The following SLC16A12 variants were observed in gnomAD, a reference collection of about 807,000 sequenced individuals.
SLC16A12 encodes monocarboxylate transporter 12.
SLC16A12 carries 17 observed loss-of-function variants against 42.4 expected under a neutral mutation model. The observed-to-expected ratio is 0.40, with a 90% CI of 0.27 to 0.60. The LOEUF (loss-of-function observed/expected upper bound fraction) is 0.60, where lower values mean the gene tolerates loss of function less well. Among genes scored for constraint, SLC16A12 ranks in the 20% least tolerant of loss-of-function variants. The pLI, the probability that SLC16A12 is intolerant of heterozygous loss-of-function variation, is 0.42. For synonymous variants in SLC16A12, 224 were observed against 229.4 expected, an observed-to-expected ratio of 0.98 and a Z score of 0.21; for missense variants, 544 against 623.0, an observed-to-expected ratio of 0.87 and a Z score of 1.35.
intron 2 of SLC16A12, among the ~76,000 whole-genome samples, chr10:89,464,343 C>T (rs1842357392): frequency 6.6e-6 from 1 of 152,268 alleles, no homozygotes; most frequent in Middle Eastern, 3.4e-3. Flanking sequence ...TGGATTCTGG[C>T]CCCACAGAAA....
intron 2 of SLC16A12, among the ~76,000 whole-genome samples, chr10:89,512,070 T>A (rs1006870442): frequency 6.6e-6 from 1 of 152,208 alleles, no homozygotes; most frequent in Admixed American, 6.5e-5. Flanking sequence ...AAACATTGTA[T>A]GATTCCACTT....
In SLC16A12 at chr10:89,549,833, A is replaced by G. The variant is rs189634910; in HGVS notation, c.-47+6049T>C. Among the ~76,000 whole-genome samples, 42 of 152,306 alleles carry G rather than the reference A, an allele frequency of 2.8e-4. 1 individual carries two copies. Among genetic ancestry groups the G allele is most frequent in the Non-Finnish European group, 5.9e-5 (4 of 68,026 alleles). On this transcript the variant is annotated intron_variant, in intron 2 of 2. Transcript: ENST00000475682. ...TAACAAGCTTTGCAAGTGGCTCAGCATCCTAAAATTTGAGAGCCATGACCT... is the reference window on the plus strand; with the variant it reads ...TAACAAGCTTTGCAAGTGGCTCAGCGTCCTAAAATTTGAGAGCCATGACCT...
chr10:89,443,857 C>T lies in SLC16A12; in HGVS notation c.203G>A (p.Cys68Tyr). 3 of 1,599,374 alleles carry T rather than the reference C, an allele frequency of 1.9e-6. No homozygotes were observed. The highest frequency in any genetic ancestry group is 1.7e-6 in the Non-Finnish European group (2 of 1,166,584). The change falls in exon 4 of 8, where the codon TGT becomes TAT. Residue 68 changes from cysteine to tyrosine, a missense_variant and splice_region_variant. By Grantham distance (194) the Cys-to-Tyr change is radical. Coordinates refer to ENST00000371790, the MANE Select transcript of SLC16A12 (RefSeq NM_213606.4). ...GAACTCCACAAAAAAAATTGAGATA[C>T]ATCTGAAAAATACAATGCAGGCATT... ...VTICTRAVTR[C>Y]ISIFFVEFQT...
chr10:89,461,894 A>C (rs1329797176), intron 3 of SLC16A12, among the ~76,000 whole-genome samples: 2 of 152,320 alleles, frequency 1.3e-5, no homozygotes, highest in Middle Eastern at 6.8e-3. Context: ...GCTATTTCAC[A>C]TGTGATGAGT....
rs375678465 is a variant in SLC16A12 at position 89,436,093 on chromosome 10, C to T, written c.1255G>A (p.Ala419Thr). 8 of 1,613,694 alleles carry T rather than the reference C, an allele frequency of 5.0e-6. No individual in the cohort carries two copies. The highest frequency in any genetic ancestry group is 3.3e-5 in the Admixed American group (2 of 59,942). ...SALGVVYFLH[A>T]VPYLVSPPIA... The stretch of plus-strand genomic sequence containing the variant: ...GGTGGGCTCACCAAGTATGGCACTG[C>T]GTGAAGGAAGTATACCACACCAAGC... Residue 419 changes from alanine (A) to threonine (T), a missense_variant, in exon 7 of 8, where the codon GCA becomes ACA. Coordinates refer to ENST00000371790, the MANE Select transcript of SLC16A12 (RefSeq NM_213606.4).
At chr10:89,443,949 C>A in intron 3 of SLC16A12, 90 bp from the exon 4 acceptor site, 3 of 827,320 alleles carry the variant, frequency 3.6e-6, no homozygotes, top group Non-Finnish European at 6.1e-6. Context: ...ATTAGCTGCT[C>A]CTGTTTCCAA....
intron 3 of SLC16A12, among the ~76,000 whole-genome samples, chr10:89,452,283 CT>C (rs1385526421): frequency 1.4e-4 from 22 of 152,122 alleles, no homozygotes; most frequent in Admixed American, 5.2e-4. Context: ...AGGGTTTCTA[CT>C]GTTCTGATGG....
At chr10:89,551,042 G>A (rs1488049134) in intron 2 of SLC16A12, among the ~76,000 whole-genome samples, 1 of 152,204 alleles carries the variant, frequency 6.6e-6, no homozygotes, top group Non-Finnish European at 1.5e-5. Context: ...AGGTGTGGAA[G>A]TCCATGATGT....
intron 3 of SLC16A12, among the ~76,000 whole-genome samples, chr10:89,451,548 A>T (rs1240442967): frequency 6.6e-6 from 1 of 152,056 alleles, no homozygotes; most frequent in Non-Finnish European, 1.5e-5. Flanking sequence ...AGTAGCTGGG[A>T]TTACAGGCGC....
Position 89,430,772 on chromosome 10 carries a change from A to G in SLC16A12, c.*2292T>C, listed in dbSNP as rs753900617. 14 of 456,654 alleles carry G rather than the reference A, an allele frequency of 3.1e-5. No homozygotes were observed. Among genetic ancestry groups the G allele is most frequent in the African/African-American group, 2.2e-4 (11 of 49,290 alleles). The allele number at this position is 456,654 out of a possible 1,614,324, so 28.3% of individuals were successfully genotyped here. On this transcript the variant is annotated 3_prime_UTR_variant, in exon 8 of 8. Transcript: ENST00000371790. ...AAAATCTTTAAAATTTCTGATCACT[A>G]TGCTTATTTTTCATAAATACTTGTA...
chr10:89,552,444 G>A (rs1589740377), intron 2 of SLC16A12, among the ~76,000 whole-genome samples: 1 of 152,170 alleles, frequency 6.6e-6, no homozygotes, highest in African/African-American at 2.4e-5. Flanking sequence ...GAGAATCTAG[G>A]GTGGTAGCAC....
intron 2 of SLC16A12, among the ~76,000 whole-genome samples, chr10:89,506,849 T>C (rs1277145055): frequency 6.6e-6 from 1 of 152,128 alleles, no homozygotes; most frequent in Non-Finnish European, 1.5e-5. Flanking sequence ...GACGAATTGC[T>C]AACTAGAATA....
At chr10:89,498,921 G>C (rs1156713234) in intron 2 of SLC16A12, among the ~76,000 whole-genome samples, 1 of 152,184 alleles carries the variant, frequency 6.6e-6, no homozygotes, top group Non-Finnish European at 1.5e-5. Flanking sequence ...CACATCTATA[G>C]GAAAAGGGGA....
chr10:89,505,846 G>A (rs1329271816), intron 2 of SLC16A12, among the ~76,000 whole-genome samples: 3 of 152,160 alleles, frequency 2.0e-5, no homozygotes, highest in African/African-American at 7.2e-5. Context: ...TGAAATTCTC[G>A]TGGCTAGCGC....
chr10:89,459,483 T>C (rs1842256484), intron 3 of SLC16A12, among the ~76,000 whole-genome samples: 1 of 150,422 alleles, frequency 6.6e-6, no homozygotes, highest in African/African-American at 2.4e-5. Context: ...TATTTAGTTA[T>C]GTATTGGAAA....
At chr10:89,440,152 T>C (rs1407722885) in intron 5 of SLC16A12, among the ~76,000 whole-genome samples, 1 of 148,318 alleles carries the variant, frequency 6.7e-6, no homozygotes, top group Non-Finnish European at 1.5e-5. Context: ...GCTGTGAGCC[T>C]GGATTTTATG....
intron 2 of SLC16A12, among the ~76,000 whole-genome samples, chr10:89,526,136 G>T (rs116016925): frequency 6.6e-6 from 1 of 151,302 alleles, no homozygotes; most frequent in African/African-American, 2.4e-5. Context: ...GCTACCCCCC[G>T]CCCCCACACA....
At chr10:89,512,434 C>G (rs1391632969) in intron 2 of SLC16A12, among the ~76,000 whole-genome samples, 1 of 152,196 alleles carries the variant, frequency 6.6e-6, no homozygotes, top group Non-Finnish European at 1.5e-5. Context: ...AGAAGCCAAA[C>G]TTGTGATTAG....
chr10:89,535,983 T>A (rs1843653607), upstream of SLC16A12, among the ~76,000 whole-genome samples: 1 of 152,220 alleles, frequency 6.6e-6, no homozygotes, highest in African/African-American at 2.4e-5. Flanking sequence ...GCAAAGAGGA[T>A]TTAGCGCGGG....
Sources: allele counts gnomAD v4.1 joint callset (sites outside exome capture counted in the v4.1 genomes callset), GRCh38; gene constraint gnomAD v4.1.1; transcripts MANE v1.5; gene names NCBI Gene and HGNC (gene_info 2026-07-23, HGNC 2026-07-21).